The following SULT1A2 variants were observed in gnomAD, a reference collection of about 807,000 sequenced individuals.
The protein encoded by SULT1A2 is sulfotransferase 1A2.
A neutral mutation model predicts 36.0 loss-of-function variants in SULT1A2; 33 were observed. That is an observed-to-expected ratio of 0.92 (90% CI 0.69 to 1.22). SULT1A2 has a LOEUF of 1.22. Ranked by LOEUF, SULT1A2 falls within the 50% of genes most tolerant of loss-of-function variation. The pLI, the probability that SULT1A2 is intolerant of heterozygous loss-of-function variation, is 0.00. For missense variants in SULT1A2, 367 were observed against 383.2 expected (o/e 0.96, Z 0.35); for synonymous variants, 138 against 144.5 (o/e 0.96, Z 0.32).
chr16:28,592,573 C>T (rs892861034), intron 6 of SULT1A2, 130 bp from the exon 7 acceptor site: 3 of 1,519,314 alleles, frequency 2.0e-6, no homozygotes, highest in African/African-American at 1.4e-5. Flanking sequence ...AGCTCCTCGA[C>T]CCCTGGGACC....
intron 6 of SULT1A2, among the ~76,000 whole-genome samples, chr16:28,592,955 G>C (rs531571519): frequency 8.5e-5 from 13 of 152,182 alleles, no homozygotes; most frequent in African/African-American, 3.1e-4. Flanking sequence ...GGGTTACACT[G>C]AGCTGAGATC....
chr16:28,595,245 T>C, intron 4 of SULT1A2, 122 bp downstream of exon 4: 4 of 1,316,494 alleles, frequency 3.0e-6, no homozygotes, highest in South Asian at 2.8e-5. Context: ...CACACCACTA[T>C]GCACAGCTAA....
At chr16:28,593,696 A>C (rs563439216) in intron 4 of SULT1A2, 128 bp from the exon 5 acceptor site, 54 of 1,523,170 alleles carry the variant, frequency 3.5e-5, no homozygotes, top group Admixed American at 2.9e-4. Context: ...CTCACGGCAC[A>C]GGTAGGGCCA....
chr16:28,593,681 G>A, intron 4 of SULT1A2, 113 bp from the exon 5 acceptor site: 1 of 1,553,280 alleles, frequency 6.4e-7, no homozygotes, highest in Non-Finnish European at 8.7e-7. Flanking sequence ...TGACTTGTTT[G>A]AGATCTCACG....
At chr16:28,596,073 C>CG (rs2151667540) in intron 1 of SULT1A2, 139 bp from the exon 2 acceptor site, 1 of 1,544,034 alleles carries the variant, frequency 6.5e-7, no homozygotes, top group South Asian at 1.3e-5. Flanking sequence ...CAGTCAGTGG[C>CG]GGGGCTGGGG....
At chr16:28,594,424 G>A (rs189362114) in intron 4 of SULT1A2, among the ~76,000 whole-genome samples, 515 of 152,270 alleles carry the variant, frequency 3.4e-3, no homozygotes, top group Non-Finnish European at 6.0e-3. Context: ...TTACAGCGGT[G>A]AGCCACCCAG....
In SULT1A2 at chr16:28,595,359, A is replaced by G. The variant is rs2047045435; in HGVS notation, c.372+8T>C. ...ATTGCGGGTGTGAACCACTGTGCCC[A>G]GTCTCACCTTGACCTTCTGATCCAA... On this transcript the variant is annotated splice_region_variant and intron_variant, in intron 4 of 7. Transcript: ENST00000335715. 7 of 1,613,894 alleles carry G rather than the reference A, an allele frequency of 4.3e-6. No individual in the cohort carries two copies. The highest frequency in any genetic ancestry group is 1.7e-4 in the Middle Eastern group (1 of 6,054).
At position 28,596,430 on chromosome 16, in the gene SULT1A2, G is replaced by C; in HGVS notation, c.-4-496C>G. 6 of 908,982 alleles carry C rather than the reference G, an allele frequency of 6.6e-6. No individual in the cohort carries two copies. The South Asian group carries it at 1.4e-4, about 21-fold the overall frequency. The allele number at this position is 908,982 out of a possible 1,614,324, so 56.3% of individuals were successfully genotyped here. A position where few individuals can be genotyped will look rare whatever the true frequency, so the allele number is the denominator to read the frequency against. On this transcript the variant is annotated intron_variant, in intron 1 of 7. Coordinates refer to ENST00000335715, the MANE Select transcript of SULT1A2 (RefSeq NM_001054.4). Reference sequence around the variant, plus strand: ...CATGTGGCAACTCCTAGGCTGGCCAGGCCTGTGATCCACTTGCCCGGCCAC... The same window carrying C: ...CATGTGGCAACTCCTAGGCTGGCCACGCCTGTGATCCACTTGCCCGGCCAC...
Position 28,595,780 on chromosome 16 carries a change from T to A in SULT1A2, c.148+3A>T, listed in dbSNP as rs1194293666. 3 of 1,612,890 alleles carry A rather than the reference T, an allele frequency of 1.9e-6. No homozygotes were observed. The highest frequency in any genetic ancestry group is 2.5e-6 in the Non-Finnish European group (3 of 1,179,354). ...GAGAGGGTGGGTGGCCCTCCTCACC[T>A]ACCGGACTTGGGGTAGGTGCTGATG... On this transcript the variant is annotated splice_donor_region_variant and intron_variant, in intron 2 of 7. Coordinates refer to ENST00000335715, the MANE Select transcript of SULT1A2 (RefSeq NM_001054.4).
chr16:28,592,239 AC>A, intron 7 of SULT1A2, 23 bp downstream of exon 7: 2 of 1,613,838 alleles, frequency 1.2e-6, no homozygotes, highest in South Asian at 1.1e-5. Context: ...CCTGCTCCAA[AC>A]CCCCGTGCTG....
intron 1 of SULT1A2, chr16:28,596,355 A>G (rs1157111172): frequency 2.5e-5 from 28 of 1,130,290 alleles, no homozygotes; most frequent in Admixed American, 4.6e-5. Flanking sequence ...GCCTCCACCC[A>G]GTAGGCTCCT....
At chr16:28,593,862 G>C (rs1039548798) in intron 4 of SULT1A2, among the ~76,000 whole-genome samples, 2 of 152,176 alleles carry the variant, frequency 1.3e-5, no homozygotes, top group African/African-American at 4.8e-5. Flanking sequence ...AAATTTTGTG[G>C]GCCTGTGAGG....
In SULT1A2 at chr16:28,591,946, A is replaced by G; in HGVS notation, c.*82T>C. The G allele has an allele frequency of 6.2e-7, 1 of 1,605,800 alleles. No homozygotes were observed. Among genetic ancestry groups the G allele is most frequent in the Non-Finnish European group, 8.5e-7 (1 of 1,176,734 alleles). ...GGCTTGGAATAGAGACTCTGCATTG[A>G]ACACAAATCATACTTTATTCTGGAG... On this transcript the variant is annotated 3_prime_UTR_variant, in exon 8 of 8. Coordinates refer to ENST00000335715, the MANE Select transcript of SULT1A2 (RefSeq NM_001054.4).
intron 6 of SULT1A2, 78 bp downstream of exon 6, chr16:28,593,174 C>A: frequency 6.3e-7 from 1 of 1,596,110 alleles, no homozygotes; most frequent in East Asian, 2.2e-5. Flanking sequence ...GGGAGGGTGG[C>A]TGGGTGGCCT....
chr16:28,593,821 A>G (rs1270157802), intron 4 of SULT1A2, among the ~76,000 whole-genome samples: 1 of 152,186 alleles, frequency 6.6e-6, no homozygotes, highest in Non-Finnish European at 1.5e-5. Context: ...GGAGCAAGGC[A>G]TGCTCCACCA....
In SULT1A2 at chr16:28,592,358, G is replaced by A. The variant is rs780334709; in HGVS notation, c.680C>T (p.Thr227Met). ...EETVDLMVEHTSFKEMKKNPM... is the reference protein window; with the variant it reads ...EETVDLMVEHMSFKEMKKNPM... ...GTTCTTCTTCATCTCCTTGAACGACGTGTGCTCAACCATGAGGTCCACAGT... is the reference window on the plus strand; with the variant it reads ...GTTCTTCTTCATCTCCTTGAACGACATGTGCTCAACCATGAGGTCCACAGT... The change falls in exon 7 of 8, where the codon ACG becomes ATG. Residue 227 changes from threonine to methionine, a missense_variant. Transcript: ENST00000335715. The A allele has an allele frequency of 4.6e-5, 75 of 1,613,916 alleles. No individual in the cohort carries two copies. The highest frequency in any genetic ancestry group is 1.2e-4 in the African/African-American group (9 of 74,938).
At chr16:28,596,572 G>A (rs1193466473) in intron 1 of SULT1A2, 5 of 280,862 alleles carry the variant, frequency 1.8e-5, no homozygotes, top group Non-Finnish European at 3.1e-5. Flanking sequence ...AGGATCCTGG[G>A]CAGGGTGGCT....
chr16:28,595,317 C>T (rs2047045051), intron 4 of SULT1A2, 50 bp downstream of exon 4: 1 of 1,605,034 alleles, frequency 6.2e-7, no homozygotes, highest in African/African-American at 1.3e-5. Flanking sequence ...CCCACCTCAG[C>T]CTCCCAAAGT....
chr16:28,596,050 G>C (rs1210350121), intron 1 of SULT1A2, 116 bp from the exon 2 acceptor site: 1 of 1,570,568 alleles, frequency 6.4e-7, no homozygotes, highest in Non-Finnish European at 8.6e-7. Context: ...TGACTTGCCC[G>C]CACTCACAAG....
Sources: gnomAD v4.1 joint callset for allele counts (sites outside exome capture counted in the v4.1 genomes callset) on GRCh38, gnomAD v4.1.1 for gene constraint, MANE v1.5 for transcripts, NCBI Gene and HGNC (gene_info 2026-07-23, HGNC 2026-07-21) for gene names.